The following MAGI3 variants were observed in gnomAD, a reference collection of about 807,000 sequenced individuals.
MAGI3 encodes membrane-associated guanylate kinase, WW and PDZ domain-containing protein 3.
A neutral mutation model predicts 121.8 loss-of-function variants in MAGI3; 43 were observed. The observed-to-expected ratio is 0.35, with a 90% CI of 0.28 to 0.46. The LOEUF is 0.46. MAGI3 is among the 20% of genes least tolerant of loss of function. The probability of loss-of-function intolerance (pLI) is 1.00; values close to 1 mark genes in which losing one functional copy is unlikely to be tolerated. For missense variants in MAGI3, 1,547 were observed against 1,797.3 expected (o/e 0.86, Z 2.52); for synonymous variants, 553 against 639.3 (o/e 0.86, Z 2.04).
intron 2 of MAGI3, among the ~76,000 whole-genome samples, chr1:113,566,308 A>G (rs534273452): frequency 1.4e-4 from 22 of 152,332 alleles, no homozygotes; most frequent in African/African-American, 4.6e-4. Context: ...TTTATTTATT[A>G]TAGCCCAAAT....
chr1:113,440,494 C>A (rs1000256385), intron 1 of MAGI3, among the ~76,000 whole-genome samples: 34 of 152,052 alleles, frequency 2.2e-4, no homozygotes, highest in Admixed American at 3.3e-4. Flanking sequence ...GAGAAAAAAC[C>A]CTTTCCAGAT....
intron 1 of MAGI3, among the ~76,000 whole-genome samples, chr1:113,446,222 T>G (rs1654172500): frequency 6.6e-6 from 1 of 152,176 alleles, no homozygotes; most frequent in Non-Finnish European, 1.5e-5. Flanking sequence ...GATATAATTT[T>G]GTGACATCAA....
rs547044209 is a variant in MAGI3 at position 113,413,555 on chromosome 1, G to T, written c.316+22206G>T. On this transcript the variant is annotated intron_variant, in intron 1 of 20. Transcript: ENST00000307546. ...TGTTTGTGTCCTCTTTAATTTCATC[G>T]AGCAGTGGTTTGTAGTTCTCCTTGA... Among the ~76,000 whole-genome samples the T allele has an allele frequency of 2.0e-5, 3 of 152,018 alleles. 1 individual carries two copies. In the South Asian group the frequency reaches 6.2e-4, roughly 32 times the overall value.
intron 14 of MAGI3, among the ~76,000 whole-genome samples, chr1:113,652,113 A>G (rs146392367): frequency 1.3e-5 from 2 of 152,350 alleles, no homozygotes; most frequent in African/African-American, 4.8e-5. Context: ...AGTTTAATTC[A>G]GAGATCAGGG....
At chr1:113,462,162 A>G (rs1655068547) in intron 1 of MAGI3, among the ~76,000 whole-genome samples, 3 of 152,246 alleles carry the variant, frequency 2.0e-5, no homozygotes, top group Admixed American at 2.0e-4. Context: ...ATGATTCCTC[A>G]GAGACCTAAA....
chr1:113,622,932 T>A lies in MAGI3; in HGVS notation c.1298T>A (p.Phe433Tyr), dbSNP rs914715921. 6.3e-7 allele frequency: 1 copy of A among 1,581,020 alleles called. No individual in the cohort carries two copies. The highest frequency in any genetic ancestry group is 8.5e-7 in the Non-Finnish European group (1 of 1,169,642). ...TIIGGDRPDE[F>Y]LQVKNVLKDG... The stretch of plus-strand genomic sequence containing the variant: ...ATTGGTGGAGATAGACCTGATGAGT[T>A]CCTACAAGTGAAAAATGTGCTGAAA... The change falls in exon 9 of 21, where the codon TTC becomes TAC. Residue 433 changes from phenylalanine (F) to tyrosine (Y), a missense_variant. Physicochemically the swap from Phe to Tyr is conservative, Grantham distance 22. Transcript: ENST00000307546.
At chr1:113,632,858 G>T (rs886750940) in intron 9 of MAGI3, among the ~76,000 whole-genome samples, 23 of 151,656 alleles carry the variant, frequency 1.5e-4, no homozygotes, top group African/African-American at 5.6e-4. Flanking sequence ...AATTTTTAAA[G>T]TACATTGTTA....
At chr1:113,513,967 C>T (rs2101616329) in intron 1 of MAGI3, among the ~76,000 whole-genome samples, 1 of 152,012 alleles carries the variant, frequency 6.6e-6, no homozygotes, top group African/African-American at 2.4e-5. Context: ...GGGTGAAGGA[C>T]ATGAACAGAC....
intron 6 of MAGI3, among the ~76,000 whole-genome samples, chr1:113,608,878 A>C (rs765226608): frequency 1.8e-4 from 27 of 152,232 alleles, no homozygotes; most frequent in Non-Finnish European, 3.7e-4. Context: ...TGTTGCCCCA[A>C]CATAATTATT....
rs184563545 is a variant in MAGI3 at position 113,438,180 on chromosome 1, G to A, written c.316+46831G>A. On this transcript the variant is annotated intron_variant, in intron 1 of 20. Transcript: ENST00000307546. The stretch of plus-strand genomic sequence containing the variant: ...TGCCCAGGCTGGCCTCCAATTTATG[G>A]GCTTAAGCAACAAGCCCCCTTCTCT... Among the ~76,000 whole-genome samples the A allele has an allele frequency of 1.8e-3, 277 of 151,924 alleles. 1 individual carries two copies. Among genetic ancestry groups the A allele is most frequent in the Middle Eastern group, 6.8e-3 (2 of 294 alleles).
In MAGI3 at chr1:113,659,944, C is replaced by T. The variant is rs141212328; in HGVS notation, c.2815+679C>T. ...ATTTTTCCTGATTTTGCAAAACTAA[C>T]AAGGAGAAGCCAAAAACAGAATTAT... On this transcript the variant is annotated intron_variant, in intron 16 of 20. Coordinates refer to ENST00000307546, the MANE Select transcript of MAGI3 (RefSeq NM_001142782.2). Among the ~76,000 whole-genome samples the T allele has an allele frequency of 2.0e-3, 308 of 152,244 alleles. 3 individuals carry two copies. Among genetic ancestry groups the T allele is most frequent in the African/African-American group, 7.2e-3 (300 of 41,546 alleles).
intron 13 of MAGI3, 33 bp downstream of exon 13, chr1:113,649,361 C>A (rs753555372): frequency 2.7e-6 from 4 of 1,489,970 alleles, no homozygotes; most frequent in South Asian, 1.2e-5. Flanking sequence ...ATGGCTGTTT[C>A]CTGTTCAAAC....
intron 1 of MAGI3, among the ~76,000 whole-genome samples, chr1:113,505,489 A>G (rs1259255592): frequency 6.8e-6 from 1 of 147,472 alleles, no homozygotes; most frequent in Non-Finnish European, 1.5e-5. Flanking sequence ...GCAATGACAA[A>G]TAAGACATAC....
chr1:113,475,656 G>T (rs973703138), intron 1 of MAGI3, among the ~76,000 whole-genome samples: 1 of 151,946 alleles, frequency 6.6e-6, no homozygotes, highest in Non-Finnish European at 1.5e-5. Flanking sequence ...GAGGATTTTC[G>T]CATCAATACA....
chr1:113,412,099 A>G (rs1652032351), intron 1 of MAGI3, among the ~76,000 whole-genome samples: 1 of 135,902 alleles, frequency 7.4e-6, no homozygotes, highest in Non-Finnish European at 1.5e-5. Flanking sequence ...TTCAGTTCCC[A>G]CCTATGAGTG....
At chr1:113,462,750 A>G (rs1315593432) in intron 1 of MAGI3, among the ~76,000 whole-genome samples, 1 of 152,210 alleles carries the variant, frequency 6.6e-6, no homozygotes, top group African/African-American at 2.4e-5. Flanking sequence ...GAGTAATGCA[A>G]TAAGAAAACT....
At chr1:113,542,453 A>T (rs913885181) in intron 1 of MAGI3, among the ~76,000 whole-genome samples, 2 of 152,220 alleles carry the variant, frequency 1.3e-5, no homozygotes, top group African/African-American at 4.8e-5. Flanking sequence ...GACTGTGGGT[A>T]ACTGAAACCG....
chr1:113,665,960 A>C (rs1301143639), intron 16 of MAGI3, among the ~76,000 whole-genome samples: 1 of 152,234 alleles, frequency 6.6e-6, no homozygotes, highest in African/African-American at 2.4e-5. Context: ...TTTCTAGTGC[A>C]TATAGAAGTT....
At chr1:113,535,300 A>T (rs1337007312) in intron 1 of MAGI3, among the ~76,000 whole-genome samples, 1 of 149,424 alleles carries the variant, frequency 6.7e-6, no homozygotes, top group African/African-American at 2.5e-5. Flanking sequence ...TTGTTCGCTT[A>T]AAAAAAAAAC....
Sources: allele counts gnomAD v4.1 joint callset (sites outside exome capture counted in the v4.1 genomes callset), GRCh38; gene constraint gnomAD v4.1.1; transcripts MANE v1.5; gene names NCBI Gene and HGNC (gene_info 2026-07-23, HGNC 2026-07-21).